FUNDC2: variants seen among roughly 807,000 people sequenced by gnomAD.
The protein encoded by FUNDC2 is FUN14 domain-containing protein 2.
In FUNDC2, 4 loss-of-function variants were observed where a neutral mutation model predicts 15.6. The ratio of observed to expected loss-of-function variants is 0.26; its 90% CI spans 0.13 to 0.59. The LOEUF is 0.59. Among genes scored for constraint, FUNDC2 ranks in the 20% least tolerant of loss-of-function variants. FUNDC2 has a pLI of 0.90. For synonymous variants in FUNDC2, 44 were observed against 56.9 expected, an observed-to-expected ratio of 0.77 and a Z score of 1.02; for missense variants, 98 against 149.7, an observed-to-expected ratio of 0.65 and a Z score of 1.80.
intron 1 of FUNDC2, among the ~76,000 whole-genome samples, chrX:155,030,076 T>C (rs2073809806): frequency 9.0e-6 from 1 of 111,681 alleles, no homozygotes. Context: ...TTAATATTGG[T>C]CTTATAATGT....
rs1214652498 is a variant in FUNDC2, at chrX:155,046,108, GT to G, written c.285-390del. On this transcript the variant is annotated intron_variant, in intron 2 of 4. Coordinates refer to ENST00000369498, the MANE Select transcript of FUNDC2 (RefSeq NM_023934.4). ...CCATCCTGTCCTCAAACTCAGGAGT[GT>G]TTTTTTTTTTCTTCACAAACAGTTC... 3.9e-4 allele frequency among the ~76,000 whole-genome samples: 40 copies of G among 103,797 alleles called. No individual in the cohort carries two copies. The East Asian group carries it at 8.1e-3, about 21-fold the overall frequency. 90.1% of individuals were successfully genotyped at this position (103,797 alleles called of 115,157 possible).
At chrX:155,027,232 C>T in intron 1 of FUNDC2, 161 bp downstream of exon 1, 1 of 523,709 alleles carries the variant, frequency 1.9e-6, no homozygotes, top group Non-Finnish European at 2.7e-6. Context: ...GGCTCAGCCG[C>T]TCCCAGGGTC....
At chrX:155,047,117 C>T (rs1291232234) in intron 3 of FUNDC2, 6 of 237,536 alleles carry the variant, frequency 2.5e-5, no homozygotes, top group Non-Finnish European at 4.7e-5. Flanking sequence ...TCTCCAAAAA[C>T]AAAAGAAAAC....
chrX:155,027,095 C>T (rs1557288319), intron 1 of FUNDC2, 24 bp downstream of exon 1: 3 of 1,090,468 alleles, frequency 2.8e-6, no homozygotes, highest in Non-Finnish European at 3.6e-6. Flanking sequence ...CGCGCGCGGC[C>T]GGCGCCGCGG....
chrX:155,054,646 G>A lies in FUNDC2; in HGVS notation c.544G>A (p.Gly182Ser). Residue 182 changes from glycine (G) to serine (S), a missense_variant, in exon 5 of 5, where the codon GGC becomes AGC. Physicochemically the swap from Gly to Ser is moderately conservative, Grantham distance 56 (BLOSUM62 0). Transcript: ENST00000369498. The stretch of plus-strand genomic sequence containing the variant: ...TCTAGTAACTGGGGGATTTTTCGGA[G>A]GCTTTCTGCTTGGCATGGCATCCTA... ...NVLVTGGFFG[G>S]FLLGMAS 1 of 1,211,005 alleles carries A rather than the reference G, an allele frequency of 8.3e-7. No individual in the cohort carries two copies. The highest frequency in any genetic ancestry group is 1.1e-6 in the Non-Finnish European group (1 of 894,943).
chrX:155,027,300 G>A (rs1181700604), intron 1 of FUNDC2: 2 of 266,822 alleles, frequency 7.5e-6, no homozygotes, highest in Admixed American at 1.4e-4. Context: ...GTCTCCAGTG[G>A]AGCTCACCCA....
chrX:155,045,521 T>C (rs2073859591), intron 2 of FUNDC2, among the ~76,000 whole-genome samples: 1 of 112,197 alleles, frequency 8.9e-6, no homozygotes, highest in South Asian at 3.7e-4. Flanking sequence ...ATCAACTGTG[T>C]CAAAAGCTGC....
In FUNDC2 at chrX:155,055,424, C is replaced by G. The variant is rs971262282; in HGVS notation, c.*752C>G. The G allele has an allele frequency of 2.4e-5, 7 of 291,440 alleles. No homozygotes were observed. Among genetic ancestry groups the G allele is most frequent in the Non-Finnish European group, 4.1e-5 (7 of 168,743 alleles). 24.0% of individuals were successfully genotyped at this position (291,440 alleles called of 1,213,427 possible). On this transcript the variant is annotated 3_prime_UTR_variant, in exon 5 of 5. Coordinates refer to ENST00000369498, the MANE Select transcript of FUNDC2 (RefSeq NM_023934.4). ...CAAAACATTAGGGGTGGCCATAACTCCTCTGTGCCACTTCTACTATTTTTT... is the reference window on the plus strand; with the variant it reads ...CAAAACATTAGGGGTGGCCATAACTGCTCTGTGCCACTTCTACTATTTTTT...
chrX:155,029,371 A>C (rs913135708), intron 1 of FUNDC2, among the ~76,000 whole-genome samples: 2 of 112,333 alleles, frequency 1.8e-5, no homozygotes, highest in Non-Finnish European at 3.8e-5. Context: ...TTTTGGAGTA[A>C]TTTGTAGTAC....
intron 4 of FUNDC2, chrX:155,054,278 C>A (rs1411681513): frequency 9.3e-6 from 7 of 751,104 alleles, no homozygotes; most frequent in Non-Finnish European, 9.4e-6. Flanking sequence ...CCATAACTGT[C>A]CCCATGAACT....
At chrX:155,041,938 G>A (rs371706061) in intron 2 of FUNDC2, among the ~76,000 whole-genome samples, 4 of 106,691 alleles carry the variant, frequency 3.7e-5, no homozygotes, top group African/African-American at 1.0e-4. Flanking sequence ...TCGTGGTGGC[G>A]GGCGCCTGTA....
chrX:155,059,331 C>T lies in FUNDC2; in HGVS notation c.*4659C>T, dbSNP rs1185848238. The T allele has an allele frequency of 2.7e-5, 3 of 111,932 alleles. No individual in the cohort carries two copies. The highest frequency in any genetic ancestry group is 1.9e-4 in the Admixed American group (2 of 10,610). 9.2% of individuals were successfully genotyped at this position (111,932 alleles called of 1,213,427 possible). A position where few individuals can be genotyped will look rare whatever the true frequency, so the allele number is the denominator to read the frequency against. ...GGAAAGGAGTGACAAGATATCACCC[C>T]ACAAATGACTTACCCATTACGAAGG... On this transcript the variant is annotated 3_prime_UTR_variant, in exon 5 of 5. Transcript: ENST00000369498.
At chrX:155,035,738 A>C (rs1379707266) in intron 2 of FUNDC2, among the ~76,000 whole-genome samples, 2 of 112,417 alleles carry the variant, frequency 1.8e-5, no homozygotes, top group African/African-American at 6.5e-5. Context: ...ACTGGAGTGC[A>C]GTGGCACGAT....
intron 1 of FUNDC2, among the ~76,000 whole-genome samples, chrX:155,029,936 G>A (rs1439859503): frequency 9.0e-6 from 1 of 111,015 alleles, no homozygotes; most frequent in Non-Finnish European, 1.9e-5. Context: ...GTAGTTTGCA[G>A]TGTTTTCTAG....
intron 2 of FUNDC2, 47 bp downstream of exon 2, chrX:155,033,600 A>G (rs1557288931): frequency 8.9e-7 from 1 of 1,129,115 alleles, no homozygotes; most frequent in Non-Finnish European, 1.2e-6. Context: ...ATGATTTAGT[A>G]TTGCAGTTAT....
At chrX:155,045,202 G>C (rs984679665) in intron 2 of FUNDC2, among the ~76,000 whole-genome samples, 1 of 111,597 alleles carries the variant, frequency 9.0e-6, no homozygotes, top group Non-Finnish European at 1.9e-5. Flanking sequence ...ACCAGGGATA[G>C]GATGGGAGGA....
chrX:155,046,433 T>C lies in FUNDC2; in HGVS notation c.285-76T>C, dbSNP rs1207707699. On this transcript the variant is annotated intron_variant, in intron 2 of 4. Coordinates refer to ENST00000369498, the MANE Select transcript of FUNDC2 (RefSeq NM_023934.4). Reference sequence around the variant, plus strand: ...AGGTCATCTTAAGCTAAGTAAGATATGAACATTGCCAGAAATGCATGTTTG... The same window carrying C: ...AGGTCATCTTAAGCTAAGTAAGATACGAACATTGCCAGAAATGCATGTTTG... 1.2e-5 allele frequency: 11 copies of C among 923,371 alleles called. No individual in the cohort carries two copies. The East Asian group carries it at 2.2e-4, about 18-fold the overall frequency. 76.1% of individuals were successfully genotyped at this position (923,371 alleles called of 1,213,427 possible).
chrX:155,044,796 A>G (rs1481905895), intron 2 of FUNDC2, among the ~76,000 whole-genome samples: 2 of 112,273 alleles, frequency 1.8e-5, no homozygotes, highest in Admixed American at 1.9e-4. Context: ...GGAAAACAGT[A>G]TGGAGGTTCC....
intron 4 of FUNDC2, among the ~76,000 whole-genome samples, chrX:155,053,553 G>C (rs1412464312): frequency 3.6e-5 from 4 of 111,800 alleles, no homozygotes; most frequent in African/African-American, 1.3e-4. Flanking sequence ...TGACAAAAGT[G>C]CTTCATTTAA....
Sources: allele counts gnomAD v4.1 joint callset (sites outside exome capture counted in the v4.1 genomes callset), GRCh38; gene constraint gnomAD v4.1.1; transcripts MANE v1.5; gene names NCBI Gene and HGNC (gene_info 2026-07-23, HGNC 2026-07-21).